CDH18: variants seen among roughly 807,000 people sequenced by gnomAD.
CDH18 encodes cadherin 18.
Under a neutral mutation model 67.9 loss-of-function variants are expected in CDH18, and 31 were observed. The observed-to-expected ratio is 0.46, with a 90% confidence interval of 0.34 to 0.62. CDH18 has a LOEUF of 0.62. Among genes scored for constraint, CDH18 ranks in the 20% least tolerant of loss-of-function variants. The pLI is 0.01. For missense variants in CDH18, 890 were observed against 975.5 expected, an observed-to-expected ratio of 0.91 and a Z score of 1.17; for synonymous variants, 362 against 347.2, an observed-to-expected ratio of 1.04 and a Z score of -0.48.
chr5:20,371,489 A>T (rs766684624), intron 1 of CDH18, among the ~76,000 whole-genome samples: 2 of 152,194 alleles, frequency 1.3e-5, no homozygotes, highest in Non-Finnish European at 2.9e-5. Flanking sequence ...GTATGCTTTA[A>T]GAAGCAGTGG....
intron 4 of CDH18, among the ~76,000 whole-genome samples, chr5:19,729,388 C>T (rs560145383): frequency 5.9e-5 from 9 of 152,252 alleles, no homozygotes; most frequent in East Asian, 1.9e-4. Context: ...CAATTGGAGA[C>T]GGCAGAATTC....
At chr5:19,854,476 T>C (rs933487277) in intron 2 of CDH18, among the ~76,000 whole-genome samples, 1 of 152,158 alleles carries the variant, frequency 6.6e-6, no homozygotes, top group East Asian at 1.9e-4. Context: ...GGTCAGCATG[T>C]TCTTTTCATG....
At chr5:20,320,609 A>C (rs894815394) in intron 1 of CDH18, among the ~76,000 whole-genome samples, 2 of 151,802 alleles carry the variant, frequency 1.3e-5, no homozygotes, top group African/African-American at 2.4e-5. Context: ...TCATTATCTC[A>C]CTCACTGCCC....
intron 1 of CDH18, among the ~76,000 whole-genome samples, chr5:20,363,625 T>A (rs1454220209): frequency 6.6e-6 from 1 of 152,052 alleles, no homozygotes; most frequent in Admixed American, 6.6e-5. Context: ...TACAGTGGCA[T>A]CAGAACACTG....
intron 5 of CDH18, among the ~76,000 whole-genome samples, chr5:19,693,221 A>T (rs923524392): frequency 2.0e-5 from 3 of 152,182 alleles, no homozygotes; most frequent in Admixed American, 6.5e-5. Context: ...AGAGAGTAGC[A>T]TGATAGTTAT....
Position 19,643,194 on chromosome 5 carries a change from C to A in CDH18, c.644-30593G>T, listed in dbSNP as rs188309035. Among the ~76,000 whole-genome samples, 5 of 151,942 alleles carry A rather than the reference C, an allele frequency of 3.3e-5. No individual in the cohort carries two copies. In the East Asian group the frequency reaches 7.7e-4, roughly 23 times the overall value. On this transcript the variant is annotated intron_variant, in intron 5 of 12. Coordinates refer to ENST00000382275, the MANE Select transcript of CDH18 (RefSeq NM_004934.5). ...TCACAAAATAAATGATAATTATTGG[C>A]GAGGTGATGGAGAAAGTGAAACCCT...
chr5:19,865,809 G>T (rs1193759733), intron 2 of CDH18, among the ~76,000 whole-genome samples: 1 of 152,260 alleles, frequency 6.6e-6, no homozygotes, highest in Middle Eastern at 3.4e-3. Flanking sequence ...TGCTGCTAGG[G>T]TATGGTGGTG....
chr5:19,898,468 T>A (rs1789580783), intron 2 of CDH18, among the ~76,000 whole-genome samples: 3 of 152,026 alleles, frequency 2.0e-5, no homozygotes, highest in Non-Finnish European at 4.4e-5. Flanking sequence ...TCTTCATGAA[T>A]ACATTTAGAG....
At chr5:20,015,306 G>A (rs114611690) in intron 2 of CDH18, among the ~76,000 whole-genome samples, 18 of 152,190 alleles carry the variant, frequency 1.2e-4, no homozygotes, top group African/African-American at 4.1e-4. Context: ...AAGAATCAGA[G>A]CTTTTGTGTT....
intron 2 of CDH18, among the ~76,000 whole-genome samples, chr5:20,071,415 T>C (rs1487720063): frequency 1.3e-5 from 2 of 152,068 alleles, no homozygotes; most frequent in Non-Finnish European, 2.9e-5. Flanking sequence ...AGTGATTACA[T>C]CTGCCCTTCC....
chr5:20,529,604 T>C (rs1212755099), intron 1 of CDH18, among the ~76,000 whole-genome samples: 2 of 152,022 alleles, frequency 1.3e-5, no homozygotes, highest in Non-Finnish European at 2.9e-5. Flanking sequence ...TCAATATACG[T>C]AATTCATCAC....
intron 5 of CDH18, among the ~76,000 whole-genome samples, chr5:19,685,449 C>T (rs1370328014): frequency 1.3e-5 from 2 of 152,194 alleles, no homozygotes; most frequent in African/African-American, 4.8e-5. Flanking sequence ...CCCTTTTCTG[C>T]CTTGGTGCGT....
intron 2 of CDH18, among the ~76,000 whole-genome samples, chr5:20,183,526 GA>G: frequency 6.6e-6 from 1 of 151,758 alleles, no homozygotes; most frequent in Non-Finnish European, 1.5e-5. Context: ...AAATATAGCA[GA>G]AAAAAAGAAG....
chr5:20,221,464 AG>A (rs1355095883), intron 2 of CDH18, among the ~76,000 whole-genome samples: 8 of 152,106 alleles, frequency 5.3e-5, no homozygotes, highest in Non-Finnish European at 1.2e-4. Flanking sequence ...ATCAGAGGCT[AG>A]GAAGTGTAGC....
intron 1 of CDH18, among the ~76,000 whole-genome samples, chr5:20,408,915 A>C (rs1458638403): frequency 6.6e-6 from 1 of 151,866 alleles, no homozygotes; most frequent in African/African-American, 2.4e-5. Context: ...GAAAGCTAGG[A>C]ATACTTATCT....
intron 11 of CDH18, among the ~76,000 whole-genome samples, chr5:19,488,941 GC>G (rs1426005992): frequency 6.6e-6 from 1 of 151,942 alleles, no homozygotes; most frequent in Non-Finnish European, 1.5e-5. Flanking sequence ...CATCCTTGTG[GC>G]CTTACTTGTC....
intron 2 of CDH18, among the ~76,000 whole-genome samples, chr5:20,032,822 C>G (rs1739521447): frequency 6.6e-6 from 1 of 151,890 alleles, no homozygotes; most frequent in Admixed American, 6.6e-5. Flanking sequence ...CTTTTTAAAA[C>G]ATCAGATGAG....
chr5:19,843,330 G>A (rs1782558974), intron 2 of CDH18, among the ~76,000 whole-genome samples: 1 of 152,214 alleles, frequency 6.6e-6, no homozygotes. Flanking sequence ...AGCTCAGCTT[G>A]TTGCTTCAGA....
chr5:20,175,479 T>C (rs1309200527), intron 2 of CDH18, among the ~76,000 whole-genome samples: 3 of 152,154 alleles, frequency 2.0e-5, no homozygotes, highest in Admixed American at 2.0e-4. Context: ...TCCTAATTGC[T>C]ATAATTGAAC....
Sources: gnomAD v4.1 joint callset for allele counts (sites outside exome capture counted in the v4.1 genomes callset) on GRCh38, gnomAD v4.1.1 for gene constraint, MANE v1.5 for transcripts, NCBI Gene and HGNC (gene_info 2026-07-23, HGNC 2026-07-21) for gene names.